MARCHF1: variants seen among roughly 807,000 people sequenced by gnomAD.
The protein encoded by MARCHF1 is E3 ubiquitin-protein ligase MARCHF1.
A neutral mutation model predicts 54.2 loss-of-function variants in MARCHF1; 40 were observed. The observed-to-expected ratio is 0.74, with a 90% CI of 0.57 to 0.96. The LOEUF is 0.96. Among genes scored for constraint, MARCHF1 ranks in the 40% least tolerant of loss-of-function variants. The pLI is 0.00. For synonymous variants in MARCHF1, 236 were observed against 236.3 expected (o/e 1.00, Z 0.01); for missense variants, 586 against 656.5 (o/e 0.89, Z 1.17).
intron 1 of MARCHF1, among the ~76,000 whole-genome samples, chr4:164,172,971 A>C (rs1730568460): frequency 1.9e-5 from 2 of 107,776 alleles, no homozygotes; most frequent in African/African-American, 4.0e-5. Flanking sequence ...ACAGAGCGAG[A>C]CTCCGTCTCA....
At chr4:163,763,002 C>T (rs1203717252) in intron 4 of MARCHF1, among the ~76,000 whole-genome samples, 1 of 152,080 alleles carries the variant, frequency 6.6e-6, no homozygotes, top group Non-Finnish European at 1.5e-5. Context: ...TCACTGGAAT[C>T]CTCAATGTGC....
intron 9 of MARCHF1, among the ~76,000 whole-genome samples, chr4:163,541,639 A>T (rs1261842456): frequency 1.3e-5 from 2 of 152,174 alleles, no homozygotes; most frequent in Non-Finnish European, 2.9e-5. Flanking sequence ...TTTTCTCTCC[A>T]GGATCATCAT....
At chr4:163,975,190 T>A (rs62348092) in intron 3 of MARCHF1, among the ~76,000 whole-genome samples, 7,741 of 120,046 alleles carry the variant, frequency 0.064, 542 homozygotes, top group African/African-American at 0.22. Flanking sequence ...TCTCTCTCTC[T>A]CTCTCTCACA....
At position 163,612,866 on chromosome 4, in the gene MARCHF1, T is replaced by C. The variant is rs1400512023; in HGVS notation, c.415A>G (p.Arg139Gly). 2 of 1,535,442 alleles carry C rather than the reference T, an allele frequency of 1.3e-6. No homozygotes were observed. Among genetic ancestry groups the C allele is most frequent in the Admixed American group, 2.0e-5 (1 of 50,940 alleles). ...EHAAEEQIRG[R>G]KNDFHLQISS... The stretch of plus-strand genomic sequence containing the variant: ...ATTTGAAGGTGAAAGTCATTTTTTC[T>C]CCCTCTTATTTGTTCTTCTGCAGCA... Residue 139 changes from arginine to glycine, a missense_variant, in exon 7 of 10, where the codon AGA becomes GGA. Physicochemically the swap from Arg to Gly is moderately radical, Grantham distance 125. This residue lies in a region of MARCHF1 where 387 missense variants were observed against 394.6 expected (regional missense o/e 0.98). Transcript: ENST00000514618.
intron 7 of MARCHF1, among the ~76,000 whole-genome samples, chr4:163,588,178 C>G (rs1007641254): frequency 6.6e-6 from 1 of 152,168 alleles, no homozygotes; most frequent in Non-Finnish European, 1.5e-5. Context: ...TTAATGTCCC[C>G]TTCCCCCTGA....
intron 3 of MARCHF1, among the ~76,000 whole-genome samples, chr4:163,926,880 A>G (rs1751549734): frequency 6.6e-6 from 1 of 151,580 alleles, no homozygotes. Flanking sequence ...TAATTCAGAG[A>G]GTGCTAGCAA....
At chr4:163,851,976 C>T (rs1259259598) in intron 4 of MARCHF1, among the ~76,000 whole-genome samples, 1 of 152,166 alleles carries the variant, frequency 6.6e-6, no homozygotes, top group Non-Finnish European at 1.5e-5. Flanking sequence ...TGTTAAGAAA[C>T]TGAGATTTGG....
intron 9 of MARCHF1, among the ~76,000 whole-genome samples, chr4:163,534,307 G>GA (rs941080968): frequency 2.0e-5 from 3 of 152,022 alleles, no homozygotes; most frequent in Non-Finnish European, 2.9e-5. Flanking sequence ...GTTGGCATGA[G>GA]AAAAAATCTT....
chr4:163,979,145 A>C, intron 3 of MARCHF1, among the ~76,000 whole-genome samples: 1 of 98,758 alleles, frequency 1.0e-5, no homozygotes, highest in African/African-American at 4.0e-5. Flanking sequence ...AGCATTAGGT[A>C]TATCTCCCAA....
intron 1 of MARCHF1, among the ~76,000 whole-genome samples, chr4:164,222,515 A>T (rs1241504410): frequency 1.3e-5 from 2 of 151,970 alleles, no homozygotes; most frequent in Non-Finnish European, 2.9e-5. Context: ...CCCTGTTGAA[A>T]CATGCTAGCA....
chr4:163,611,327 T>C (rs1030909300), intron 7 of MARCHF1, among the ~76,000 whole-genome samples: 4 of 152,084 alleles, frequency 2.6e-5, no homozygotes, highest in Non-Finnish European at 5.9e-5. Context: ...TTAATTCTTC[T>C]CACTGCTGCC....
At chr4:164,010,766 C>A (rs1753404192) in intron 2 of MARCHF1, among the ~76,000 whole-genome samples, 1 of 151,894 alleles carries the variant, frequency 6.6e-6, no homozygotes, top group Non-Finnish European at 1.5e-5. Context: ...GAAAAAAAAT[C>A]TTAAAATTTA....
chr4:164,223,390 T>C lies in MARCHF1; in HGVS notation c.-322-111728A>G, dbSNP rs140100951. ...ATATATATGGTGACAATTGTGGCTG[T>C]TAATAGTAAATTTTGAAGATGAGCA... On this transcript the variant is annotated intron_variant, in intron 1 of 9. Coordinates refer to ENST00000514618, the MANE Select transcript of MARCHF1 (RefSeq NM_001394959.1). Among the ~76,000 whole-genome samples the C allele has an allele frequency of 9.5e-3, 1,442 of 152,140 alleles. 46 individuals are homozygous for C. Among genetic ancestry groups the C allele is most frequent in the East Asian group, 0.04 (205 of 5,170 alleles).
At chr4:163,595,472 A>G (rs1239150475) in intron 7 of MARCHF1, among the ~76,000 whole-genome samples, 5 of 152,104 alleles carry the variant, frequency 3.3e-5, no homozygotes, top group Admixed American at 6.5e-5. Context: ...AGCTATGATC[A>G]TGCCACTGCA....
intron 2 of MARCHF1, among the ~76,000 whole-genome samples, chr4:164,108,204 CCCA>C (rs1755750388): frequency 6.6e-6 from 1 of 152,042 alleles, no homozygotes; most frequent in Non-Finnish European, 1.5e-5. Context: ...AGCATTGCTC[CCCA>C]CTATTAATAA....
chr4:164,164,217 A>C (rs985353731), intron 1 of MARCHF1, among the ~76,000 whole-genome samples: 3 of 151,920 alleles, frequency 2.0e-5, no homozygotes, highest in Admixed American at 6.6e-5. Context: ...AGCAGAATAA[A>C]AGTAATAATA....
At chr4:164,141,518 T>C (rs1434251312) in intron 1 of MARCHF1, among the ~76,000 whole-genome samples, 1 of 152,190 alleles carries the variant, frequency 6.6e-6, no homozygotes, top group Non-Finnish European at 1.5e-5. Flanking sequence ...GGTCTATCTT[T>C]GGTCATATTT....
At position 163,612,476 on chromosome 4, in the gene MARCHF1, G is replaced by A. The variant is rs1307138158; in HGVS notation, c.805C>T (p.His269Tyr). 6.5e-7 allele frequency: 1 copy of A among 1,535,162 alleles called. No homozygotes were observed. The highest frequency in any genetic ancestry group is 8.7e-7 in the Non-Finnish European group (1 of 1,146,386). Residue 269 changes from histidine (H) to tyrosine (Y), a missense_variant, in exon 7 of 10, where the codon CAC becomes TAC. Coordinates refer to ENST00000514618, the MANE Select transcript of MARCHF1 (RefSeq NM_001394959.1). ...RNHEKSKGRY[H>Y]HRDPQLLQSL... ...TGCAAGAGCTGAGGATCTCTGTGGT[G>A]ATATCTGCCTTTGCTCTTCTCATGA...
intron 4 of MARCHF1, among the ~76,000 whole-genome samples, chr4:163,722,199 A>G (rs1482310664): frequency 2.0e-5 from 3 of 151,984 alleles, no homozygotes; most frequent in Non-Finnish European, 4.4e-5. Context: ...ACACTGCTTT[A>G]AATGTGTCCC....
Sources: allele counts gnomAD v4.1 joint callset (sites outside exome capture counted in the v4.1 genomes callset), GRCh38; gene constraint gnomAD v4.1.1; regional missense constraint gnomAD v4.1.1; transcripts MANE v1.5; gene names NCBI Gene and HGNC (gene_info 2026-07-23, HGNC 2026-07-21).